RBMS3: variants seen among roughly 807,000 people sequenced by gnomAD.
RBMS3 encodes RNA binding motif single stranded interacting protein 3.
Under a neutral mutation model 66.8 loss-of-function variants are expected in RBMS3, and 27 were observed. The ratio of observed to expected loss-of-function variants is 0.40; its 90% CI spans 0.30 to 0.56. The LOEUF (loss-of-function observed/expected upper bound fraction) is 0.56, where lower values mean the gene tolerates loss of function less well. Among genes scored for constraint, RBMS3 ranks in the 20% least tolerant of loss-of-function variants. The probability of loss-of-function intolerance (pLI) is 0.40; values close to 1 mark genes in which losing one functional copy is unlikely to be tolerated. For synonymous variants in RBMS3, 188 were observed against 183.0 expected (o/e 1.03, Z -0.22); for missense variants, 513 against 549.5 (o/e 0.93, Z 0.66).
At chr3:29,698,275 A>G in intron 4 of RBMS3, 3 of 985,432 alleles carry the variant, frequency 3.0e-6, no homozygotes, top group Non-Finnish European at 3.6e-6. Context: ...CAGCCATGGC[A>G]AAATGTAGTC....
At chr3:29,404,083 C>T (rs767112853) in intron 1 of RBMS3, among the ~76,000 whole-genome samples, 2 of 152,042 alleles carry the variant, frequency 1.3e-5, no homozygotes, top group African/African-American at 2.4e-5. Context: ...CTCAGACTAT[C>T]GAAGATGAAA....
intron 1 of RBMS3, among the ~76,000 whole-genome samples, chr3:29,415,523 A>T (rs564816908): frequency 6.6e-6 from 1 of 152,194 alleles, no homozygotes; most frequent in African/African-American, 2.4e-5. Context: ...TTTTATTAAC[A>T]TGGGGATGAA....
intron 3 of RBMS3, among the ~76,000 whole-genome samples, chr3:29,511,483 T>C (rs1223104327): frequency 3.3e-5 from 5 of 152,154 alleles, no homozygotes; most frequent in African/African-American, 1.2e-4. Context: ...AGTTTTACTT[T>C]TCCATGGTAT....
chr3:29,373,245 A>G (rs2038300793), intron 1 of RBMS3, among the ~76,000 whole-genome samples: 1 of 152,178 alleles, frequency 6.6e-6, no homozygotes, highest in Non-Finnish European at 1.5e-5. Flanking sequence ...CAATCCAGTG[A>G]GTTCTCAGCA....
Position 29,535,786 on chromosome 3 carries a change from G to A in RBMS3, c.307+47287G>A, listed in dbSNP as rs575787218. Among the ~76,000 whole-genome samples the A allele has an allele frequency of 2.4e-5, 3 of 124,304 alleles. No homozygotes were observed. In the East Asian group the frequency reaches 7.8e-4, roughly 32 times the overall value. 81.5% of individuals were successfully genotyped at this position (124,304 alleles called of 152,430 possible). A position where few individuals can be genotyped will look rare whatever the true frequency, so the allele number is the denominator to read the frequency against. On this transcript the variant is annotated intron_variant, in intron 3 of 14. Coordinates refer to ENST00000383767, the MANE Select transcript of RBMS3 (RefSeq NM_001003793.3). ...ATTGCAACTGATCAAGAGGTATTCA[G>A]GATGGTGAGTTTGGACTGCATGGCT...
chr3:29,378,225 C>A (rs932579669), intron 1 of RBMS3, among the ~76,000 whole-genome samples: 3 of 152,144 alleles, frequency 2.0e-5, no homozygotes, highest in Non-Finnish European at 4.4e-5. Flanking sequence ...GTAATCCCAG[C>A]ACTTTGGGAG....
chr3:29,395,949 A>G (rs142605300), intron 1 of RBMS3, among the ~76,000 whole-genome samples: 1 of 152,328 alleles, frequency 6.6e-6, no homozygotes, highest in East Asian at 1.9e-4. Flanking sequence ...TAGGGAAGAG[A>G]GTTTGATGAG....
chr3:29,642,560 A>G (rs901278592), intron 4 of RBMS3: 1 of 152,088 alleles, frequency 6.6e-6, no homozygotes, highest in African/African-American at 2.4e-5. Flanking sequence ...AGGCTATAAC[A>G]CCTGAGGAAA....
chr3:29,909,183 C>T (rs939403942), intron 10 of RBMS3, among the ~76,000 whole-genome samples: 3 of 152,032 alleles, frequency 2.0e-5, no homozygotes, highest in Non-Finnish European at 4.4e-5. Flanking sequence ...TAAATTGCTA[C>T]GTATTGAAGT....
At chr3:29,628,005 A>G (rs1315692035) in intron 4 of RBMS3, among the ~76,000 whole-genome samples, 2 of 152,176 alleles carry the variant, frequency 1.3e-5, no homozygotes, top group African/African-American at 2.4e-5. Flanking sequence ...ATTATTGTTT[A>G]TATGGAAATC....
At chr3:29,999,881 A>C (rs1463168781) in intron 14 of RBMS3, among the ~76,000 whole-genome samples, 3 of 151,992 alleles carry the variant, frequency 2.0e-5, no homozygotes, top group East Asian at 1.9e-4. Context: ...CACATTGTGC[A>C]CCTGTACCCT....
intron 14 of RBMS3, among the ~76,000 whole-genome samples, chr3:30,002,735 T>C (rs1699667952): frequency 6.6e-6 from 1 of 152,034 alleles, no homozygotes; most frequent in Non-Finnish European, 1.5e-5. Context: ...AGGTTCCTAA[T>C]TGCCGTAGCT....
intron 3 of RBMS3, among the ~76,000 whole-genome samples, chr3:29,518,594 CT>C (rs911554819): frequency 2.6e-5 from 4 of 152,192 alleles, no homozygotes; most frequent in African/African-American, 9.6e-5. Flanking sequence ...TAGCAACTCT[CT>C]TTTCACCTTG....
At chr3:29,302,525 A>AG (rs2033749002) in intron 1 of RBMS3, among the ~76,000 whole-genome samples, 1 of 151,886 alleles carries the variant, frequency 6.6e-6, no homozygotes, top group Non-Finnish European at 1.5e-5. Flanking sequence ...TGGAAAAAAA[A>AG]TATATATGTA....
chr3:29,291,290 G>C (rs2032794002), intron 1 of RBMS3, among the ~76,000 whole-genome samples: 1 of 151,928 alleles, frequency 6.6e-6, no homozygotes, highest in Middle Eastern at 3.4e-3. Flanking sequence ...TTTCACTATT[G>C]TGGCCTTTTG....
At chr3:29,549,277 T>A (rs1365860549) in intron 3 of RBMS3, among the ~76,000 whole-genome samples, 1 of 152,058 alleles carries the variant, frequency 6.6e-6, no homozygotes, top group Non-Finnish European at 1.5e-5. Flanking sequence ...TAGGGATGAA[T>A]AATATATCTG....
intron 1 of RBMS3, among the ~76,000 whole-genome samples, chr3:29,420,212 A>G (rs1034031270): frequency 2.6e-5 from 4 of 152,092 alleles, no homozygotes; most frequent in African/African-American, 9.7e-5. Context: ...CTATTATATC[A>G]TGGAAACTTA....
intron 4 of RBMS3, among the ~76,000 whole-genome samples, chr3:29,607,534 A>T (rs1363076339): frequency 1.3e-5 from 2 of 151,988 alleles, no homozygotes. Context: ...ACCCAATATC[A>T]TCATTTTTGG....
At chr3:29,501,673 C>T (rs1559416021) in intron 3 of RBMS3, among the ~76,000 whole-genome samples, 1 of 152,118 alleles carries the variant, frequency 6.6e-6, no homozygotes, top group African/African-American at 2.4e-5. Context: ...GGAAGGTAAA[C>T]TCTTCAACCT....
Sources: allele counts gnomAD v4.1 joint callset (sites outside exome capture counted in the v4.1 genomes callset), GRCh38; gene constraint gnomAD v4.1.1; transcripts MANE v1.5; gene names NCBI Gene and HGNC (gene_info 2026-07-23, HGNC 2026-07-21).